The following ZYG11B variants were observed in gnomAD, a reference collection of about 807,000 sequenced individuals.
ZYG11B encodes protein zyg-11 homolog B.
In ZYG11B, 36 loss-of-function variants were observed where a neutral mutation model predicts 82.4. The ratio of observed to expected loss-of-function variants is 0.44; its 90% CI spans 0.33 to 0.58. The LOEUF is 0.58. Ranked by LOEUF, ZYG11B falls within the 20% of genes least tolerant of loss-of-function variation. The pLI, the probability that ZYG11B is intolerant of heterozygous loss-of-function variation, is 0.02. For synonymous variants in ZYG11B, 303 were observed against 312.8 expected (o/e 0.97, Z 0.33); for missense variants, 552 against 895.6 (o/e 0.62, Z 4.90).
chr1:52,746,796 C>G (rs1374287547), intron 1 of ZYG11B, among the ~76,000 whole-genome samples: 1 of 132,576 alleles, frequency 7.5e-6, no homozygotes, highest in Non-Finnish European at 1.5e-5. Flanking sequence ...GCTTGCTGTA[C>G]TTGAGGTAAT....
intron 1 of ZYG11B, among the ~76,000 whole-genome samples, chr1:52,733,806 TCA>T (rs1644355972): frequency 6.6e-6 from 1 of 152,218 alleles, no homozygotes; most frequent in Non-Finnish European, 1.5e-5. Flanking sequence ...GCTACTGCAT[TCA>T]GTGTTCAGAT....
Position 52,774,514 on chromosome 1 carries a change from G to A in ZYG11B, c.951+2740G>A, listed in dbSNP as rs184516170. 5.4e-3 allele frequency among the ~76,000 whole-genome samples: 819 copies of A among 150,490 alleles called. 2 individuals are homozygous for A. Among genetic ancestry groups the A allele is most frequent in the African/African-American group, 0.019 (774 of 40,796 alleles). ...GTAGAGATGGGGTTTTACCATGTTA[G>A]CCAGGCTAGTCTTGAACTCCTGACC... On this transcript the variant is annotated intron_variant, in intron 3 of 13. Transcript: ENST00000294353.
At chr1:52,775,132 G>A (rs1315102082) in intron 3 of ZYG11B, among the ~76,000 whole-genome samples, 2 of 135,692 alleles carry the variant, frequency 1.5e-5, no homozygotes, top group African/African-American at 5.6e-5. Flanking sequence ...AATTTCCTTT[G>A]TTGGTTCTTC....
chr1:52,817,416 A>G (rs503296), intron 13 of ZYG11B, among the ~76,000 whole-genome samples: 89,898 of 151,656 alleles, frequency 0.59, 29,359 homozygotes, highest in East Asian at 0.97. Context: ...TTTAGAGACA[A>G]GGTCTGTCTC....
At chr1:52,789,863 A>G (rs1644941421) in intron 5 of ZYG11B, 140 bp from the exon 6 acceptor site, 2 of 516,400 alleles carry the variant, frequency 3.9e-6, no homozygotes. Flanking sequence ...TTTCAATACT[A>G]GGGGGGCAGA....
intron 2 of ZYG11B, among the ~76,000 whole-genome samples, chr1:52,763,144 G>A (rs771127474): frequency 3.9e-5 from 6 of 152,006 alleles, no homozygotes; most frequent in Non-Finnish European, 8.8e-5. Flanking sequence ...TTCTGTTTCT[G>A]TGTGGTCTAT....
At chr1:52,813,761 C>G (rs766510914) in intron 11 of ZYG11B, 28 bp downstream of exon 11, 7 of 1,613,516 alleles carry the variant, frequency 4.3e-6, no homozygotes, top group Non-Finnish European at 5.1e-6. Flanking sequence ...CAACAAAAGA[C>G]ATTCATAGTG....
intron 10 of ZYG11B, among the ~76,000 whole-genome samples, chr1:52,803,442 GAA>G (rs57750852): frequency 0.37 from 44,261 of 119,106 alleles, 7,380 homozygotes; most frequent in Admixed American, 0.49. Context: ...CATCTCAAAA[GAA>G]AAAAAAAAAA....
intron 13 of ZYG11B, among the ~76,000 whole-genome samples, chr1:52,820,509 G>A (rs1003436447): frequency 6.6e-6 from 1 of 151,678 alleles, no homozygotes; most frequent in East Asian, 2.0e-4. Flanking sequence ...TTAGCCAGGT[G>A]TGGTGGCTGG....
intron 2 of ZYG11B, among the ~76,000 whole-genome samples, chr1:52,757,800 G>T (rs927104817): frequency 1.3e-5 from 2 of 152,116 alleles, no homozygotes; most frequent in Non-Finnish European, 2.9e-5. Flanking sequence ...AGCCAATTTA[G>T]TACTTTGGTT....
Position 52,734,465 on chromosome 1 carries a change from C to T in ZYG11B, c.30+7782C>T, listed in dbSNP as rs530354332. ...GTTTTTTTTTTTAAAGAGTCTCAATCTGTTGCCATCTCAAAAAAAAATAAA... is the reference window on the plus strand; with the variant it reads ...GTTTTTTTTTTTAAAGAGTCTCAATTTGTTGCCATCTCAAAAAAAAATAAA... On this transcript the variant is annotated intron_variant, in intron 1 of 13. Coordinates refer to ENST00000294353, the MANE Select transcript of ZYG11B (RefSeq NM_024646.3). 2.0e-5 allele frequency among the ~76,000 whole-genome samples: 3 copies of T among 149,008 alleles called. No individual in the cohort carries two copies. In the East Asian group the frequency reaches 5.9e-4, roughly 29 times the overall value.
intron 4 of ZYG11B, among the ~76,000 whole-genome samples, chr1:52,783,851 C>CGTGTGCATATGTACATACAT (rs1558132625): frequency 1.9e-5 from 1 of 51,950 alleles, no homozygotes; most frequent in African/African-American, 8.5e-5. Flanking sequence ...TGTACATACA[C>CGTGTGCATATGTACATACAT]GTGTGTGTGT....
chr1:52,773,037 A>T (rs1644769341), intron 3 of ZYG11B, among the ~76,000 whole-genome samples: 1 of 152,178 alleles, frequency 6.6e-6, no homozygotes, highest in South Asian at 2.1e-4. Flanking sequence ...GTTGAATTGA[A>T]TACCTAGTGG....
chr1:52,758,090 C>T (rs544773839), intron 2 of ZYG11B, among the ~76,000 whole-genome samples: 1 of 150,456 alleles, frequency 6.6e-6, no homozygotes, highest in South Asian at 2.1e-4. Flanking sequence ...GTCCCAGCTG[C>T]TCAGAGGGTG....
chr1:52,757,650 G>T (rs1037673032), intron 2 of ZYG11B, among the ~76,000 whole-genome samples: 1 of 152,030 alleles, frequency 6.6e-6, no homozygotes, highest in African/African-American at 2.4e-5. Flanking sequence ...ACTCCAGCCT[G>T]GGCGACAGAG....
chr1:52,801,506 T>G (rs1423291658), intron 8 of ZYG11B, among the ~76,000 whole-genome samples: 2 of 150,244 alleles, frequency 1.3e-5, no homozygotes, highest in East Asian at 4.0e-4. Flanking sequence ...TTTGCCTTTT[T>G]AATTCTAGAA....
intron 6 of ZYG11B, among the ~76,000 whole-genome samples, chr1:52,795,674 G>T (rs556028095): frequency 1.3e-5 from 2 of 152,196 alleles, no homozygotes; most frequent in East Asian, 3.9e-4. Context: ...GAGGCCTTCC[G>T]TAGCCACCCT....
intron 4 of ZYG11B, among the ~76,000 whole-genome samples, chr1:52,781,939 T>G (rs919169525): frequency 6.6e-6 from 1 of 152,186 alleles, no homozygotes; most frequent in African/African-American, 2.4e-5. Flanking sequence ...TCTTTTTTTT[T>G]TTGTTTTGAT....
chr1:52,757,968 A>G (rs1199929532), intron 2 of ZYG11B, among the ~76,000 whole-genome samples: 1 of 151,790 alleles, frequency 6.6e-6, no homozygotes, highest in African/African-American at 2.4e-5. Flanking sequence ...TTGGGAGGTC[A>G]AGGTGGGCGG....
Sources: gnomAD v4.1 joint callset for allele counts (sites outside exome capture counted in the v4.1 genomes callset) on GRCh38, gnomAD v4.1.1 for gene constraint, MANE v1.5 for transcripts, NCBI Gene and HGNC (gene_info 2026-07-23, HGNC 2026-07-21) for gene names.